VASH2: variants seen among roughly 807,000 people sequenced by gnomAD.
VASH2 encodes vasohibin 2.
In VASH2, 28 loss-of-function variants were observed where a neutral mutation model predicts 37.2. That is an observed-to-expected ratio of 0.75 (90% CI 0.56 to 1.03). VASH2 has a LOEUF of 1.03. VASH2 is among the 50% of genes least tolerant of loss of function. The pLI is 0.00. For missense variants in VASH2, 419 were observed against 459.1 expected (o/e 0.91, Z 0.80); for synonymous variants, 188 against 174.7 (o/e 1.08, Z -0.60).
At position 212,989,962 on chromosome 1, in the gene VASH2, C is replaced by T. The variant is rs927268407; in HGVS notation, c.*1378C>T. On this transcript the variant is annotated 3_prime_UTR_variant, in exon 8 of 8. Transcript: ENST00000517399. ...AACAATGCCAACTCAGGAGAGCAGA[C>T]GGCCGATTTCAGTGAAGTCTGGTAG... is the stretch of plus-strand genomic sequence containing the variant. The T allele has an allele frequency of 3.3e-5, 5 of 151,908 alleles. No individual in the cohort carries two copies. Among genetic ancestry groups the T allele is most frequent in the East Asian group, 1.9e-4 (1 of 5,188 alleles). 9.4% of individuals were successfully genotyped at this position (151,908 alleles called of 1,614,324 possible). A position where few individuals can be genotyped will look rare whatever the true frequency, so the allele number is the denominator to read the frequency against.
Position 212,972,926 on chromosome 1 carries a change from G to C in VASH2, c.844G>C (p.Glu282Gln). ...SKMLRADIRK[E>Q]LEKYARDMRM... Reference sequence around the variant, plus strand: ...GATGCTGAGGGCTGACATAAGGAAGGAGCTGGAGAAATATGCCAGGGACAT... The same window carrying C: ...GATGCTGAGGGCTGACATAAGGAAGCAGCTGGAGAAATATGCCAGGGACAT... Residue 282 changes from glutamate (E) to glutamine (Q), a missense_variant, in exon 6 of 8, where the codon GAG becomes CAG. Around this residue, in one of 3 missense-constraint regions of VASH2, gnomAD observed 177 missense variants for 166.2 expected, o/e 1.06. Transcript: ENST00000517399. 6.2e-7 allele frequency: 1 copy of C among 1,613,720 alleles called. No homozygotes were observed. Among genetic ancestry groups the C allele is most frequent in the Non-Finnish European group, 8.5e-7 (1 of 1,180,026 alleles).
intron 7 of VASH2, among the ~76,000 whole-genome samples, chr1:212,979,574 G>A (rs1424921439): frequency 1.3e-5 from 2 of 152,134 alleles, no homozygotes; most frequent in Admixed American, 6.5e-5. Context: ...CAGCTGGAGC[G>A]ACTTCCAGCC....
intron 7 of VASH2, among the ~76,000 whole-genome samples, chr1:212,985,155 G>T (rs1667440692): frequency 6.6e-6 from 1 of 151,052 alleles, no homozygotes; most frequent in Non-Finnish European, 1.5e-5. Flanking sequence ...CCAAGTAGCT[G>T]GGACTACAGG....
intron 5 of VASH2, among the ~76,000 whole-genome samples, chr1:212,972,089 A>G (rs943392195): frequency 2.0e-5 from 3 of 152,150 alleles, no homozygotes; most frequent in African/African-American, 7.2e-5. Context: ...CTGCATTCAC[A>G]TTTCATTGCC....
intron 7 of VASH2, among the ~76,000 whole-genome samples, chr1:212,980,127 AC>A (rs1667301824): frequency 1.3e-5 from 2 of 152,150 alleles, no homozygotes; most frequent in African/African-American, 4.8e-5. Flanking sequence ...CCAATAAAGA[AC>A]CGTTCCACCT....
chr1:212,982,039 T>C (rs1269430271), intron 7 of VASH2, among the ~76,000 whole-genome samples: 2 of 152,220 alleles, frequency 1.3e-5, no homozygotes, highest in East Asian at 3.9e-4. Context: ...AGTAGGATTT[T>C]TGACAGAATA....
intron 6 of VASH2, 94 bp downstream of exon 6, chr1:212,973,055 G>A: frequency 6.7e-7 from 1 of 1,495,424 alleles, no homozygotes; most frequent in Non-Finnish European, 8.9e-7. Context: ...TTTCTAGGAT[G>A]GCCAAAAATT....
At chr1:212,973,375 A>G in intron 6 of VASH2, 1 of 1,290,086 alleles carries the variant, frequency 7.8e-7, no homozygotes, top group Non-Finnish European at 1.0e-6. Flanking sequence ...TCTCTCTCTC[A>G]GTTTTACCTC....
intron 6 of VASH2, among the ~76,000 whole-genome samples, 172 bp downstream of exon 6, chr1:212,973,133 C>T (rs1047811138): frequency 1.3e-5 from 2 of 152,114 alleles, no homozygotes; most frequent in Admixed American, 6.5e-5. Context: ...AATTTAGATG[C>T]GACAGTTAAA....
intron 2 of VASH2, among the ~76,000 whole-genome samples, chr1:212,960,779 T>C (rs1666648800): frequency 6.6e-6 from 1 of 152,324 alleles, no homozygotes; most frequent in South Asian, 2.1e-4. Context: ...CATTATGCAA[T>C]CATTGATGGA....
chr1:212,989,451 A>C lies in VASH2; in HGVS notation c.*867A>C, dbSNP rs1295239215. 6.6e-6 allele frequency: 1 copy of C among 152,216 alleles called. No individual in the cohort carries two copies. Among genetic ancestry groups the C allele is most frequent in the East Asian group, 1.9e-4 (1 of 5,202 alleles). 9.4% of individuals were successfully genotyped at this position (152,216 alleles called of 1,614,324 possible). ...CTGGATTTACCTCTGACATTAACAC[A>C]CTCAGGCAGAGACCAGGAGTGATCA... is the stretch of plus-strand genomic sequence containing the variant. On this transcript the variant is annotated 3_prime_UTR_variant, in exon 8 of 8. Coordinates refer to ENST00000517399, the MANE Select transcript of VASH2 (RefSeq NM_001301056.2).
intron 5 of VASH2, chr1:212,968,748 C>T: frequency 1.0e-6 from 1 of 985,434 alleles, no homozygotes; most frequent in Non-Finnish European, 1.2e-6. Context: ...TTCAGCGAAG[C>T]CTCCTGCAAG....
At position 212,968,614 on chromosome 1, in the gene VASH2, CCT is replaced by C. The variant is rs1366499462; in HGVS notation, c.497+2270_497+2271del. 3 of 985,370 alleles carry C rather than the reference CCT, an allele frequency of 3.0e-6. No homozygotes were observed. In the East Asian group the frequency reaches 3.4e-4, roughly 112 times the overall value. 61.0% of individuals were successfully genotyped at this position (985,370 alleles called of 1,614,324 possible). On this transcript the variant is annotated intron_variant, in intron 5 of 7. Coordinates refer to ENST00000517399, the MANE Select transcript of VASH2 (RefSeq NM_001301056.2). Reference sequence around the variant, plus strand: ...CCCCAACCCTCTTGTCATCCTCCTCCCTGTTTCCCACAAAGGAGATGAAACAT... The same window carrying C: ...CCCCAACCCTCTTGTCATCCTCCTCCGTTTCCCACAAAGGAGATGAAACAT...
chr1:212,965,901 G>A, intron 4 of VASH2, 123 bp downstream of exon 4: 3 of 1,011,960 alleles, frequency 3.0e-6, no homozygotes, highest in South Asian at 1.5e-5. Context: ...AGGGGTGGAG[G>A]CGGAGGGTGC....
At position 212,965,992 on chromosome 1, in the gene VASH2, T is replaced by C. The variant is rs2359552; in HGVS notation, c.422+214T>C. On this transcript the variant is annotated intron_variant, in intron 4 of 7. Transcript: ENST00000517399. The stretch of plus-strand genomic sequence containing the variant: ...CAGTGGTGAATTCTAGCTTCCAGGG[T>C]GGAGGAGGCTTGTAAACTCTGCCTC... The C allele has an allele frequency of 0.01, 6,173 of 606,072 alleles. 284 individuals are homozygous for C. The African/African-American group carries it at 0.1, about 10-fold the overall frequency. The allele number at this position is 606,072 out of a possible 1,614,324, so 37.5% of individuals were successfully genotyped here.
At chr1:212,967,097 G>A in intron 5 of VASH2, 2 of 1,304,392 alleles carry the variant, frequency 1.5e-6, no homozygotes, top group Non-Finnish European at 2.0e-6. Context: ...CAGTGGTGGT[G>A]TATCCTGACT....
intron 2 of VASH2, among the ~76,000 whole-genome samples, chr1:212,955,920 G>C (rs1035408963): frequency 2.0e-5 from 3 of 152,234 alleles, no homozygotes; most frequent in African/African-American, 7.2e-5. Flanking sequence ...GTTCCTGGCT[G>C]CCTCTGTTGC....
rs1192364086 is a variant in VASH2 at position 212,971,182 on chromosome 1, C to A, written c.498-1398C>A. ...TTACATGTATACACTACATTTTGTTCATCCCTTTATCCATCGATGGATATT... is the reference window on the plus strand; with the variant it reads ...TTACATGTATACACTACATTTTGTTAATCCCTTTATCCATCGATGGATATT... On this transcript the variant is annotated intron_variant, in intron 5 of 7. Coordinates refer to ENST00000517399, the MANE Select transcript of VASH2 (RefSeq NM_001301056.2). The surrounding 1 kb of genome is among the most constrained non-coding windows in gnomAD (Gnocchi z 4.0). 1.3e-5 allele frequency among the ~76,000 whole-genome samples: 2 copies of A among 152,218 alleles called. No homozygotes were observed. Among genetic ancestry groups the A allele is most frequent in the Non-Finnish European group, 2.9e-5 (2 of 68,044 alleles).
intron 5 of VASH2, among the ~76,000 whole-genome samples, chr1:212,970,993 G>A (rs1448068417): frequency 2.6e-5 from 4 of 150,958 alleles, no homozygotes; most frequent in African/African-American, 4.9e-5. Flanking sequence ...GCCCACCACC[G>A]TTCTACTCTC....
Sources: gnomAD v4.1 joint callset for allele counts (sites outside exome capture counted in the v4.1 genomes callset) on GRCh38, gnomAD v4.1.1 for gene constraint, gnomAD v4.1.1 regional missense constraint, Gnocchi (gnomAD v3.1) non-coding constraint, MANE v1.5 for transcripts, NCBI Gene and HGNC (gene_info 2026-07-23, HGNC 2026-07-21) for gene names.